Variants in RALGDS observed in about 807,000 individuals in gnomAD.
The protein encoded by RALGDS is ral guanine nucleotide dissociation stimulator.
Under a neutral mutation model 99.8 loss-of-function variants are expected in RALGDS, and 44 were observed. The observed-to-expected ratio is 0.44, with a 90% CI of 0.35 to 0.57. The LOEUF (loss-of-function observed/expected upper bound fraction) is 0.57, where lower values mean the gene tolerates loss of function less well. RALGDS is among the 20% of genes least tolerant of loss of function. The pLI is 0.01. For synonymous variants in RALGDS, 529 were observed against 505.0 expected, an observed-to-expected ratio of 1.05 and a Z score of -0.64; for missense variants, 1,022 against 1,203.1, an observed-to-expected ratio of 0.85 and a Z score of 2.23.
intron 1 of RALGDS, among the ~76,000 whole-genome samples, chr9:133,143,520 C>G (rs115668969): frequency 1.3e-5 from 2 of 151,828 alleles, no homozygotes; most frequent in African/African-American, 4.8e-5. Flanking sequence ...TTTGGGAGGC[C>G]GAGGCGGGGG....
At chr9:133,104,768 C>T (rs539331520) in intron 9 of RALGDS, among the ~76,000 whole-genome samples, 9 of 152,288 alleles carry the variant, frequency 5.9e-5, no homozygotes, top group East Asian at 1.9e-4. Context: ...GCCGAGATCA[C>T]GCCATTGCAC....
upstream of RALGDS, among the ~76,000 whole-genome samples, chr9:133,132,926 C>T (rs573054192): frequency 9.0e-4 from 137 of 152,100 alleles, no homozygotes; most frequent in African/African-American, 3.0e-3. Flanking sequence ...CGTGAGCCAC[C>T]GTGCCTGGCC....
rs201030473 is a variant in RALGDS, at chr9:133,145,325, T to TC, written c.18+3637dup. Among the ~76,000 whole-genome samples the TC allele has an allele frequency of 5.3e-3, 799 of 152,128 alleles. 5 individuals carry two copies. Among genetic ancestry groups the TC allele is most frequent in the Middle Eastern group, 0.02 (6 of 294 alleles). ...CTGGAATCTCTCTGTGCCCACGCAC[T>TC]CCCCAGATGAGCACTTCCCCTTCCC... On this transcript the variant is annotated intron_variant, in intron 1 of 17. Coordinates refer to the RALGDS transcript ENST00000393160.
intron 16 of RALGDS, 108 bp downstream of exon 16, chr9:133,101,412 C>T: frequency 1.9e-6 from 3 of 1,586,544 alleles, no homozygotes; most frequent in Non-Finnish European, 2.6e-6. Context: ...ATCTGTCCTT[C>T]CCCGCCAACT....
chr9:133,112,454 C>T (rs947973191), intron 1 of RALGDS, among the ~76,000 whole-genome samples: 1 of 152,186 alleles, frequency 6.6e-6, no homozygotes, highest in Non-Finnish European at 1.5e-5. Context: ...CATCCCCTTC[C>T]ACACAGGGGA....
chr9:133,102,218 A>G (rs1342267234), intron 14 of RALGDS, 79 bp from the exon 15 acceptor site: 5 of 1,451,576 alleles, frequency 3.4e-6, no homozygotes, highest in Non-Finnish European at 4.7e-6. Flanking sequence ...CCTGCGCCCA[A>G]GGACTGTGCA....
At chr9:133,119,722 AGCCCTGGATAGAT>A (rs1343101294) in intron 1 of RALGDS, among the ~76,000 whole-genome samples, 10 of 151,806 alleles carry the variant, frequency 6.6e-5, no homozygotes, top group Non-Finnish European at 1.5e-4. Context: ...TGAGGACCAG[AGCCCTGGATAGAT>A]GAGGGTTGAG....
Position 133,108,411 on chromosome 9 carries a change from A to C in RALGDS, c.779-5T>G, listed in dbSNP as rs1180692925. ...GAGCTGGCACTGGTGACAGAGCTGC[A>C]AGAGGAGAAAAGTTCAACAACATGC... On this transcript the variant is annotated splice_region_variant and splice_polypyrimidine_tract_variant and intron_variant, in intron 5 of 17. Coordinates refer to ENST00000372050, the MANE Select transcript of RALGDS (RefSeq NM_006266.4). 1 of 1,535,464 alleles carries C rather than the reference A, an allele frequency of 6.5e-7. No individual in the cohort carries two copies. The highest frequency in any genetic ancestry group is 2.4e-5 in the East Asian group (1 of 40,900).
intron 3 of RALGDS, among the ~76,000 whole-genome samples, chr9:133,110,085 A>T (rs1831269479): frequency 6.6e-6 from 1 of 152,210 alleles, no homozygotes; most frequent in Admixed American, 6.5e-5. Flanking sequence ...CCCATTCCCT[A>T]CAGGGCCAGG....
chr9:133,146,032 C>G (rs1832617915), intron 1 of RALGDS, among the ~76,000 whole-genome samples: 1 of 152,158 alleles, frequency 6.6e-6, no homozygotes, highest in South Asian at 2.1e-4. Context: ...GTGCTGTGAT[C>G]TGGGGAAAGT....
Position 133,108,693 on chromosome 9 carries a change from G to A in RALGDS, c.758C>T (p.Pro253Leu). The A allele has an allele frequency of 6.2e-7, 1 of 1,613,652 alleles. No individual in the cohort carries two copies. The highest frequency in any genetic ancestry group is 8.5e-7 in the Non-Finnish European group (1 of 1,179,986). ...LLLAQLEHSE[P>L]IEAEPEALSP... ...CTCACCCTCAGGCTCTGCCTCAATG[G>A]GTTCCGAGTGCTCCAGCTGGGCCAG... Residue 253 changes from proline (P) to leucine (L), a missense_variant, in exon 5 of 18, where the codon CCC becomes CTC. Coordinates refer to ENST00000372050, the MANE Select transcript of RALGDS (RefSeq NM_006266.4).
chr9:133,119,762 G>A (rs1488121179), intron 1 of RALGDS, among the ~76,000 whole-genome samples: 1 of 151,858 alleles, frequency 6.6e-6, no homozygotes, highest in Non-Finnish European at 1.5e-5. Context: ...CGTCTGGTCC[G>A]GCCATCTGCC....
chr9:133,103,042 C>T, intron 12 of RALGDS, 142 bp from the exon 13 acceptor site: 1 of 1,427,400 alleles, frequency 7.0e-7, no homozygotes, highest in Admixed American at 2.0e-5. Context: ...GGCTCAGCCA[C>T]TCCCCAGGAG....
chr9:133,139,007 C>T lies in RALGDS; in HGVS notation c.18+9956G>A, dbSNP rs1299517738. 3.9e-5 allele frequency among the ~76,000 whole-genome samples: 6 copies of T among 152,322 alleles called. 1 individual carries two copies. The highest frequency in any genetic ancestry group is 1.4e-4 in the African/African-American group (6 of 41,568). ...CACTCACTGTGGCAACGTGCTGTCC[C>T]TCCCCAGGCACCAGCCATGTGTCCC... is the stretch of plus-strand genomic sequence containing the variant. On this transcript the variant is annotated intron_variant, in intron 1 of 17. Transcript: ENST00000393160.
chr9:133,099,431 T>C (rs984200333), intron 17 of RALGDS: 1 of 153,066 alleles, frequency 6.5e-6, no homozygotes, highest in African/African-American at 2.4e-5. Context: ...GGATTTAGAC[T>C]GTAACTTCTA....
At position 133,106,653 on chromosome 9, in the gene RALGDS, G is replaced by A. The variant is rs201487990; in HGVS notation, c.1509C>T (p.Asp503=). ...SIHRLKKTWE[D]VSRDSFRIFQ... is the part of the protein sequence containing the mutation. ...TACAGAGGCATGCCCACCTGGAAACGTCTTCCCACGTCTTCTTCAGACGGT... is the reference window on the plus strand; with the variant it reads ...TACAGAGGCATGCCCACCTGGAAACATCTTCCCACGTCTTCTTCAGACGGT... The change falls in exon 8 of 18, where the codon GAC becomes GAT. Residue 503 remains aspartate, a synonymous_variant. Transcript: ENST00000372050. 4.0e-5 allele frequency: 65 copies of A among 1,607,682 alleles called. No individual in the cohort carries two copies. The highest frequency in any genetic ancestry group is 3.2e-4 in the African/African-American group (24 of 74,890).
At chr9:133,127,911 C>T (rs150134097) in intron 1 of RALGDS, among the ~76,000 whole-genome samples, 4 of 152,206 alleles carry the variant, frequency 2.6e-5, no homozygotes, top group Admixed American at 6.5e-5. Flanking sequence ...GTGCCGATGC[C>T]GGGAGCAGTG....
At chr9:133,102,667 T>C in intron 13 of RALGDS, 96 bp from the exon 14 acceptor site, 1 of 1,603,268 alleles carries the variant, frequency 6.2e-7, no homozygotes. Flanking sequence ...GCCCCGGCCA[T>C]CCTCAGGCAA....
intron 1 of RALGDS, among the ~76,000 whole-genome samples, chr9:133,142,205 T>G (rs12348227): frequency 0.59 from 89,837 of 151,576 alleles, 26,946 homozygotes; most frequent in Middle Eastern, 0.63. Flanking sequence ...AGGGGCAGAG[T>G]CTACTGGGTC....
Sources: gnomAD v4.1 joint callset for allele counts (sites outside exome capture counted in the v4.1 genomes callset) on GRCh38, gnomAD v4.1.1 for gene constraint, MANE v1.5 for transcripts, NCBI Gene and HGNC (gene_info 2026-07-23, HGNC 2026-07-21) for gene names.